The following RBFOX1 variants were observed in gnomAD, a reference collection of about 807,000 sequenced individuals.
RBFOX1 encodes RNA binding protein fox-1 homolog 1.
A neutral mutation model predicts 57.7 loss-of-function variants in RBFOX1; 8 were observed. That is an observed-to-expected ratio of 0.14 (90% confidence interval 0.08 to 0.25). The LOEUF is 0.25. Ranked by LOEUF, RBFOX1 falls within the 10% of genes least tolerant of loss-of-function variation. The pLI is 1.00. For missense variants in RBFOX1, 611 were observed against 548.5 expected, an observed-to-expected ratio of 1.11 and a Z score of -1.14; for synonymous variants, 326 against 222.4, an observed-to-expected ratio of 1.47 and a Z score of -4.15.
At chr16:6,944,103 A>G (rs1364089165) in intron 3 of RBFOX1, among the ~76,000 whole-genome samples, 1 of 152,128 alleles carries the variant, frequency 6.6e-6, no homozygotes, top group Non-Finnish European at 1.5e-5. Flanking sequence ...ACTCTACTTA[A>G]GACCACACCC....
chr16:6,808,543 C>G (rs754637103), intron 3 of RBFOX1, among the ~76,000 whole-genome samples: 10 of 152,104 alleles, frequency 6.6e-5, no homozygotes, highest in East Asian at 1.9e-4. Flanking sequence ...GGTTTGCATA[C>G]TCAACAAACA....
intron 2 of RBFOX1, among the ~76,000 whole-genome samples, chr16:5,596,668 C>T (rs978109503): frequency 2.6e-5 from 4 of 152,166 alleles, no homozygotes; most frequent in African/African-American, 4.8e-5. Flanking sequence ...GCGCTTAACT[C>T]GTTGATCAAG....
intron 2 of RBFOX1, among the ~76,000 whole-genome samples, chr16:6,459,179 C>CA (rs912718738): frequency 2.6e-5 from 4 of 152,058 alleles, no homozygotes; most frequent in African/African-American, 4.8e-5. Flanking sequence ...ACTAAAACTA[C>CA]AAAAAAATTA....
At chr16:5,333,082 G>A (rs1299935405) in intron 1 of RBFOX1, among the ~76,000 whole-genome samples, 1 of 152,134 alleles carries the variant, frequency 6.6e-6, no homozygotes, top group South Asian at 2.1e-4. Context: ...CAGCTACTCA[G>A]GAGACTGAGA....
At chr16:7,087,246 C>T (rs1319211796) in intron 4 of RBFOX1, among the ~76,000 whole-genome samples, 1 of 152,154 alleles carries the variant, frequency 6.6e-6, no homozygotes, top group South Asian at 2.1e-4. Flanking sequence ...GCTGGCCTCC[C>T]AGAGTCACCG....
chr16:5,699,691 A>G (rs1437052187), intron 3 of RBFOX1, among the ~76,000 whole-genome samples: 1 of 152,144 alleles, frequency 6.6e-6, no homozygotes, highest in Admixed American at 6.5e-5. Flanking sequence ...ATCCAACTAT[A>G]TTGCATCCTA....
At chr16:6,759,003 A>G (rs1467422035) in intron 3 of RBFOX1, among the ~76,000 whole-genome samples, 1 of 152,156 alleles carries the variant, frequency 6.6e-6, no homozygotes, top group Non-Finnish European at 1.5e-5. Flanking sequence ...TCAGACAATG[A>G]TGAGCTAGTC....
chr16:7,140,779 C>G (rs966413896), intron 4 of RBFOX1, among the ~76,000 whole-genome samples: 7 of 152,156 alleles, frequency 4.6e-5, no homozygotes, highest in Admixed American at 6.5e-5. Flanking sequence ...TAGCGTTAAA[C>G]TTTCCAGGAT....
chr16:7,423,092 A>T (rs907626894), intron 4 of RBFOX1: 7 of 52,392 alleles, frequency 1.3e-4, no homozygotes, highest in African/African-American at 5.2e-4. Flanking sequence ...AATGAGGGAG[A>T]AAGAGAGAGA....
At position 5,597,810 on chromosome 16, in the gene RBFOX1, C is replaced by T. The variant is rs551011945; in HGVS notation, c.259-1092C>T. Among the ~76,000 whole-genome samples, 332 of 152,238 alleles carry T rather than the reference C, an allele frequency of 2.2e-3. 3 individuals are homozygous for T. Among genetic ancestry groups the T allele is most frequent in the Non-Finnish European group, 2.9e-3 (198 of 68,024 alleles). On this transcript the variant is annotated intron_variant, in intron 2 of 2. Coordinates refer to the RBFOX1 transcript ENST00000585867. The stretch of plus-strand genomic sequence containing the variant: ...GACGAAGGCTTTGGGAATACTACGA[C>T]GGTGATTCACATCCCAGTGTTTGCA...
intron 2 of RBFOX1, among the ~76,000 whole-genome samples, chr16:6,420,321 C>T (rs1285344400): frequency 6.6e-6 from 1 of 150,870 alleles, no homozygotes; most frequent in Non-Finnish European, 1.5e-5. Context: ...CAATTGCCTC[C>T]AGGTGGTTAG....
intron 3 of RBFOX1, among the ~76,000 whole-genome samples, chr16:6,667,877 A>T (rs2154106309): frequency 6.6e-6 from 1 of 152,126 alleles, no homozygotes; most frequent in Middle Eastern, 3.4e-3. Flanking sequence ...TGACAGAGCA[A>T]GACCCTATCT....
chr16:5,293,135 A>G (rs1596419291), intron 1 of RBFOX1, among the ~76,000 whole-genome samples: 1 of 151,896 alleles, frequency 6.6e-6, no homozygotes, highest in African/African-American at 2.4e-5. Flanking sequence ...AAACTGGGCA[A>G]CATGACGAGA....
chr16:6,903,322 C>G (rs1024581162), intron 3 of RBFOX1, among the ~76,000 whole-genome samples: 1 of 152,124 alleles, frequency 6.6e-6, no homozygotes, highest in Non-Finnish European at 1.5e-5. Flanking sequence ...CCCTTACAGC[C>G]TGGAGTAAGG....
At chr16:6,682,296 C>T (rs2058768331) in intron 3 of RBFOX1, among the ~76,000 whole-genome samples, 1 of 152,156 alleles carries the variant, frequency 6.6e-6, no homozygotes, top group South Asian at 2.1e-4. Flanking sequence ...AGGGATTGAG[C>T]TCTCAGGCGT....
In RBFOX1 at chr16:6,277,570, G is replaced by T. The variant is rs571275971; in HGVS notation, c.-126-39425G>T. On this transcript the variant is annotated intron_variant, in intron 1 of 15. Coordinates refer to ENST00000550418, the MANE Select transcript of RBFOX1 (RefSeq NM_018723.4). ...AAGGATCGCTTGAGCCCAGGAGTTG[G>T]AGATCAGCCTGGGCAATAGAGTGAG... Among the ~76,000 whole-genome samples, 7 of 151,120 alleles carry T rather than the reference G, an allele frequency of 4.6e-5. No individual in the cohort carries two copies. In the East Asian group the frequency reaches 9.8e-4, roughly 21 times the overall value.
At chr16:6,946,829 A>C (rs1337136697) in intron 3 of RBFOX1, among the ~76,000 whole-genome samples, 1 of 152,176 alleles carries the variant, frequency 6.6e-6, no homozygotes, top group Non-Finnish European at 1.5e-5. Flanking sequence ...GCTGGTCTCC[A>C]GTTTCTGAAT....
chr16:7,710,050 TCA>T (rs1299999501), intron 15 of RBFOX1: 3 of 1,001,712 alleles, frequency 3.0e-6, no homozygotes, highest in Non-Finnish European at 3.6e-6. Context: ...TCACTGAAGC[TCA>T]GTCATAGAAA....
intron 4 of RBFOX1, among the ~76,000 whole-genome samples, chr16:7,255,002 T>C (rs983971720): frequency 6.6e-6 from 1 of 152,168 alleles, no homozygotes; most frequent in African/African-American, 2.4e-5. Context: ...TTTTATTTGC[T>C]GTTGTGTCCT....
Sources: gnomAD v4.1 joint callset for allele counts (sites outside exome capture counted in the v4.1 genomes callset) on GRCh38, gnomAD v4.1.1 for gene constraint, MANE v1.5 for transcripts, NCBI Gene and HGNC (gene_info 2026-07-23, HGNC 2026-07-21) for gene names.